ENPP1: variants seen among roughly 807,000 people sequenced by gnomAD.
ENPP1 encodes ectonucleotide pyrophosphatase/phosphodiesterase family member 1.
Under a neutral mutation model 122.8 loss-of-function variants are expected in ENPP1, and 73 were observed. The observed-to-expected ratio is 0.59, with a 90% confidence interval of 0.49 to 0.72. The LOEUF is 0.72. Among genes scored for constraint, ENPP1 ranks in the 30% least tolerant of loss-of-function variants. The probability of loss-of-function intolerance (pLI) is 0.00; values close to 1 mark genes in which losing one functional copy is unlikely to be tolerated. For missense variants in ENPP1, 978 were observed against 1,128.1 expected (o/e 0.87, Z 1.91); for synonymous variants, 367 against 391.6 (o/e 0.94, Z 0.74).
At chr6:131,838,881 T>A (rs1005198950) in intron 1 of ENPP1, among the ~76,000 whole-genome samples, 2 of 152,076 alleles carry the variant, frequency 1.3e-5, no homozygotes, top group Non-Finnish European at 2.9e-5. Flanking sequence ...AATGAAAAAT[T>A]ACAAGAAAAA....
intron 9 of ENPP1, among the ~76,000 whole-genome samples, chr6:131,863,642 T>C (rs1481291880): frequency 6.6e-6 from 1 of 151,394 alleles, no homozygotes; most frequent in African/African-American, 2.4e-5. Flanking sequence ...GGGCTGGGCG[T>C]GGTGGCTCAC....
chr6:131,830,497 T>C (rs988522021), intron 1 of ENPP1, among the ~76,000 whole-genome samples: 1 of 152,148 alleles, frequency 6.6e-6, no homozygotes, highest in African/African-American at 2.4e-5. Context: ...ACAGTGCCCA[T>C]CACAGGCAGG....
chr6:131,817,973 T>G (rs1247310811), intron 1 of ENPP1, among the ~76,000 whole-genome samples: 3 of 148,438 alleles, frequency 2.0e-5, no homozygotes. Context: ...CAGGTGTGAT[T>G]TGAGAGTCTT....
At chr6:131,837,598 A>G (rs1387180012) in intron 1 of ENPP1, among the ~76,000 whole-genome samples, 4 of 151,486 alleles carry the variant, frequency 2.6e-5, no homozygotes, top group Non-Finnish European at 5.9e-5. Context: ...CTCTTCCATT[A>G]CTTCTTTACT....
At chr6:131,835,912 T>C (rs897697027) in intron 1 of ENPP1, among the ~76,000 whole-genome samples, 3 of 152,200 alleles carry the variant, frequency 2.0e-5, no homozygotes, top group African/African-American at 7.2e-5. Context: ...AATATACTTG[T>C]GATTATCTTA....
chr6:131,834,087 GA>G (rs1237570084), intron 1 of ENPP1, among the ~76,000 whole-genome samples: 3 of 152,212 alleles, frequency 2.0e-5, no homozygotes, highest in African/African-American at 7.2e-5. Flanking sequence ...AAAGCTCAAT[GA>G]AACCATTACT....
chr6:131,822,982 C>T (rs930501860), intron 1 of ENPP1, among the ~76,000 whole-genome samples: 2 of 152,194 alleles, frequency 1.3e-5, no homozygotes, highest in African/African-American at 4.8e-5. Flanking sequence ...AATATATACT[C>T]CTAAGCCGAG....
intron 22 of ENPP1, among the ~76,000 whole-genome samples, chr6:131,884,301 G>A (rs767386368): frequency 3.9e-5 from 6 of 152,074 alleles, no homozygotes; most frequent in Non-Finnish European, 8.8e-5. Flanking sequence ...ATAGGAAATC[G>A]GAATAATATG....
chr6:131,886,665 A>G lies in ENPP1; in HGVS notation c.2548A>G (p.Asn850Asp). Reference sequence around the variant, plus strand: ...ATCTCAGACGCCTTTGCACTGTGAAAACCTAGACACCTTAGCTTTCATTTT... The same window carrying G: ...ATCTCAGACGCCTTTGCACTGTGAAGACCTAGACACCTTAGCTTTCATTTT... ...DTSQTPLHCE[N>D]LDTLAFILPH... The change falls in exon 24 of 25, where the codon AAC becomes GAC. Residue 850 changes from asparagine to aspartate, a missense_variant. Physicochemically the swap from Asn to Asp is conservative, Grantham distance 23. Coordinates refer to ENST00000647893, the MANE Select transcript of ENPP1 (RefSeq NM_006208.3). 6.2e-7 allele frequency: 1 copy of G among 1,614,102 alleles called. No individual in the cohort carries two copies. The highest frequency in any genetic ancestry group is 8.5e-7 in the Non-Finnish European group (1 of 1,179,970).
intron 1 of ENPP1, among the ~76,000 whole-genome samples, chr6:131,809,304 A>AT (rs1228633708): frequency 6.6e-6 from 1 of 152,114 alleles, no homozygotes; most frequent in African/African-American, 2.4e-5. Context: ...AAAATTTCTA[A>AT]TTTTTCAAGT....
At chr6:131,871,408 T>A in intron 13 of ENPP1, among the ~76,000 whole-genome samples, 1 of 152,264 alleles carries the variant, frequency 6.6e-6, no homozygotes, top group Non-Finnish European at 1.5e-5. Context: ...CTCTTTGAAG[T>A]TTCCTCATAC....
At chr6:131,877,831 C>A (rs1212766254) in intron 18 of ENPP1, 1 of 67,354 alleles carries the variant, frequency 1.5e-5, no homozygotes, top group Non-Finnish European at 2.5e-5. Context: ...AGGGCAAGAC[C>A]CTTTCTCAAA....
rs777655168 is a variant in ENPP1 at position 131,869,371 on chromosome 6, C to T, written c.1287C>T (p.Gly429=). The change falls in exon 13 of 25, where the codon GGC becomes GGT. Residue 429 remains glycine (G), a synonymous_variant. Transcript: ENST00000647893. ...ILISDHGMEQ[G]SCKKYIYLNK... is the part of the protein sequence containing the mutation. ...TTTTTCTCCTAGGCATGGAACAAGG[C>T]AGTTGTAAGAAATACATATATCTGA... 6.2e-7 allele frequency: 1 copy of T among 1,613,094 alleles called. No homozygotes were observed. Among genetic ancestry groups the T allele is most frequent in the South Asian group, 1.1e-5 (1 of 91,054 alleles).
chr6:131,886,786 A>G, intron 24 of ENPP1, 62 bp downstream of exon 24: 1 of 1,434,186 alleles, frequency 7.0e-7, no homozygotes, highest in Non-Finnish European at 9.8e-7. Flanking sequence ...ATATTTGTTT[A>G]TGTCACCCAT....
chr6:131,809,400 T>G (rs568061077), intron 1 of ENPP1, among the ~76,000 whole-genome samples: 22 of 152,330 alleles, frequency 1.4e-4, no homozygotes, highest in African/African-American at 5.1e-4. Flanking sequence ...TCAATCTTCC[T>G]AGACTTAAGA....
chr6:131,864,616 A>G (rs769675549), intron 10 of ENPP1, 45 bp downstream of exon 10: 2 of 1,295,714 alleles, frequency 1.5e-6, no homozygotes, highest in Non-Finnish European at 2.2e-6. Flanking sequence ...CGTTTTGTAG[A>G]AATGATATAC....
At chr6:131,866,301 A>C (rs540954197) in intron 11 of ENPP1, among the ~76,000 whole-genome samples, 1 of 152,274 alleles carries the variant, frequency 6.6e-6, no homozygotes, top group Non-Finnish European at 1.5e-5. Flanking sequence ...TCTCCCGCCC[A>C]GGTAGCCCAG....
intron 5 of ENPP1, 65 bp downstream of exon 5, chr6:131,852,300 C>A: frequency 1.0e-6 from 1 of 953,400 alleles, no homozygotes; most frequent in Non-Finnish European, 1.7e-6. Context: ...TTTTTTCTTT[C>A]CAAATTAAGA....
At chr6:131,863,504 A>G (rs1490884897) in intron 9 of ENPP1, among the ~76,000 whole-genome samples, 1 of 152,188 alleles carries the variant, frequency 6.6e-6, no homozygotes, top group Non-Finnish European at 1.5e-5. Context: ...CGAAATGCTT[A>G]GCAATTTTCC....
Sources: allele counts gnomAD v4.1 joint callset (sites outside exome capture counted in the v4.1 genomes callset), GRCh38; gene constraint gnomAD v4.1.1; transcripts MANE v1.5; gene names NCBI Gene and HGNC (gene_info 2026-07-23, HGNC 2026-07-21).